Variants in TMEM185A observed in about 807,000 individuals in gnomAD.
The protein encoded by TMEM185A is family with sequence similarity 11, member A.
Under a neutral mutation model 25.0 loss-of-function variants are expected in TMEM185A, and 9 were observed. That is an observed-to-expected ratio of 0.36 (90% CI 0.22 to 0.63). The LOEUF (loss-of-function observed/expected upper bound fraction) is 0.63. TMEM185A is among the 20% of genes least tolerant of loss of function. The pLI is 0.68. For synonymous variants in TMEM185A, 45 were observed against 93.5 expected, an observed-to-expected ratio of 0.48 and a Z score of 2.99; for missense variants, 103 against 237.4, an observed-to-expected ratio of 0.43 and a Z score of 3.72.
intron 1 of TMEM185A, among the ~76,000 whole-genome samples, chrX:149,615,653 T>C (rs957906879): frequency 8.9e-6 from 1 of 111,824 alleles, no homozygotes; most frequent in Non-Finnish European, 1.9e-5. Flanking sequence ...TTCTATATAG[T>C]AGCTATCACA....
In TMEM185A at chrX:149,614,360, T is replaced by C. The variant is rs1557354830; in HGVS notation, c.39-2897A>G. Among the ~76,000 whole-genome samples, 3 of 112,042 alleles carry C rather than the reference T, an allele frequency of 2.7e-5. No individual in the cohort carries two copies. The East Asian group carries it at 8.3e-4, about 31-fold the overall frequency. The stretch of plus-strand genomic sequence containing the variant: ...AGACTATGAAGAAAATTGAAAAATA[T>C]TTTGGACTAAAGGCAAAAACACAAT... On this transcript the variant is annotated intron_variant, in intron 1 of 6. Transcript: ENST00000600449.
intron 2 of TMEM185A, among the ~76,000 whole-genome samples, chrX:149,609,687 G>A (rs1484782142): frequency 8.9e-6 from 1 of 112,266 alleles, no homozygotes; most frequent in Non-Finnish European, 1.9e-5. Context: ...TAGAGAAAAT[G>A]CTATCAGAGG....
At chrX:149,603,375 C>T (rs1362809897) in intron 4 of TMEM185A, among the ~76,000 whole-genome samples, 1 of 110,077 alleles carries the variant, frequency 9.1e-6, no homozygotes, top group Admixed American at 9.7e-5. Context: ...GATCAGCTCA[C>T]CTCGGCCTCC....
intron 1 of TMEM185A, among the ~76,000 whole-genome samples, chrX:149,629,445 C>T (rs1387130327): frequency 6.3e-5 from 7 of 111,523 alleles, no homozygotes; most frequent in African/African-American, 2.0e-4. Context: ...ACTAGGAGTG[C>T]TCAGGAGAGG....
At chrX:149,618,201 A>G (rs2090120443) in intron 1 of TMEM185A, among the ~76,000 whole-genome samples, 1 of 111,953 alleles carries the variant, frequency 8.9e-6, no homozygotes. Context: ...ACTCGGGAAG[A>G]TTAAGGATAG....
At chrX:149,607,750 A>C (rs2090060000) in intron 3 of TMEM185A, among the ~76,000 whole-genome samples, 1 of 111,948 alleles carries the variant, frequency 8.9e-6, no homozygotes, top group African/African-American at 3.3e-5. Context: ...GGGAGGTGCT[A>C]AATCATGGGG....
intron 1 of TMEM185A, among the ~76,000 whole-genome samples, chrX:149,614,007 G>A (rs1220913990): frequency 8.9e-6 from 1 of 112,264 alleles, no homozygotes; most frequent in African/African-American, 3.2e-5. Flanking sequence ...TCCTTTCTTA[G>A]TAACTAATAG....
intron 3 of TMEM185A, 80 bp from the exon 4 acceptor site, chrX:149,604,150 GA>G: frequency 1.6e-6 from 1 of 636,241 alleles, no homozygotes; most frequent in African/African-American, 2.2e-5. Flanking sequence ...CACACTAAAA[GA>G]CAATACACAT....
At chrX:149,613,824 AGTATAT>A (rs2090097015) in intron 1 of TMEM185A, among the ~76,000 whole-genome samples, 1 of 112,602 alleles carries the variant, frequency 8.9e-6, no homozygotes, top group Non-Finnish European at 1.9e-5. Context: ...CATAAGACAC[AGTATAT>A]TTTTGAACAA....
Position 149,631,673 on chromosome X carries a change from C to CATGA in TMEM185A, c.-94_-93insTCAT. ...TACAGCGGGTTCATGGCGCCAGCGC[C>CATGA]AGCCGCGTCCACGCTGCTGCTCCCG... On this transcript the variant is annotated 5_prime_UTR_variant, in exon 1 of 7. It adds an upstream start codon to the 5' untranslated region. Coordinates refer to ENST00000600449, the MANE Select transcript of TMEM185A (RefSeq NM_032508.4). The CATGA allele has an allele frequency of 1.1e-6, 1 of 904,061 alleles. No homozygotes were observed. The highest frequency in any genetic ancestry group is 1.5e-6 in the Non-Finnish European group (1 of 671,325). 74.5% of individuals were successfully genotyped at this position (904,061 alleles called of 1,213,427 possible).
intron 1 of TMEM185A, among the ~76,000 whole-genome samples, chrX:149,624,936 G>A (rs782788571): frequency 7.2e-5 from 8 of 111,689 alleles, no homozygotes; most frequent in African/African-American, 2.6e-4. Flanking sequence ...TTAAGACAAG[G>A]GTATGTGAAA....
At chrX:149,605,353 C>T (rs1171067216) in intron 3 of TMEM185A, among the ~76,000 whole-genome samples, 1 of 98,178 alleles carries the variant, frequency 1.0e-5, no homozygotes. Context: ...ATGTCACTTT[C>T]TATGGCCTCC....
At chrX:149,630,609 G>A (rs1368345991) in intron 1 of TMEM185A, among the ~76,000 whole-genome samples, 2 of 111,892 alleles carry the variant, frequency 1.8e-5, no homozygotes, top group African/African-American at 6.5e-5. Flanking sequence ...GCCAAAGAAG[G>A]GCAGAGAATC....
Position 149,611,347 on chromosome X carries a change from A to C in TMEM185A, c.155T>G (p.Leu52Ter). 1 of 1,211,540 alleles carries C rather than the reference A, an allele frequency of 8.3e-7. No homozygotes were observed. Among genetic ancestry groups the C allele is most frequent in the Non-Finnish European group, 1.1e-6 (1 of 895,400 alleles). ...AVFAPIWLWK[L>*]MVIVGASVGT... ...AACTGAGGCTCCAACAATGACCATT[A>C]ACTTCCACAGCCATATTGGAGCAAA... Residue 52 changes from leucine to a stop codon, truncating the protein, a stop_gained, in exon 2 of 7, where the codon TTA (leucine) becomes TGA (stop). Transcript: ENST00000600449. LOFTEE classifies it high-confidence loss of function.
chrX:149,602,883 T>C (rs2090025446), intron 4 of TMEM185A, among the ~76,000 whole-genome samples: 1 of 112,438 alleles, frequency 8.9e-6, no homozygotes, highest in South Asian at 3.6e-4. Flanking sequence ...ATTATTCCCA[T>C]CTTTAAATAT....
intron 1 of TMEM185A, among the ~76,000 whole-genome samples, chrX:149,622,121 C>T (rs2090142401): frequency 8.9e-6 from 1 of 112,037 alleles, no homozygotes; most frequent in Admixed American, 9.5e-5. Flanking sequence ...AAAGTCGAAC[C>T]AACTATCAGA....
At chrX:149,622,627 A>G (rs988396281) in intron 1 of TMEM185A, among the ~76,000 whole-genome samples, 1 of 112,348 alleles carries the variant, frequency 8.9e-6, no homozygotes, top group Non-Finnish European at 1.9e-5. Flanking sequence ...CTAATTTACA[A>G]TTGTTAAAAA....
At chrX:149,612,561 T>C (rs2090089593) in intron 1 of TMEM185A, among the ~76,000 whole-genome samples, 1 of 112,715 alleles carries the variant, frequency 8.9e-6, no homozygotes, top group African/African-American at 3.2e-5. Flanking sequence ...AATATCTGTT[T>C]AGTCTTCCAT....
At chrX:149,607,370 T>C (rs1332772712) in intron 3 of TMEM185A, among the ~76,000 whole-genome samples, 2 of 112,212 alleles carry the variant, frequency 1.8e-5, no homozygotes, top group African/African-American at 6.5e-5. Context: ...CCTCAGCTTC[T>C]ATGCAGTTAT....
Sources: allele counts gnomAD v4.1 joint callset (sites outside exome capture counted in the v4.1 genomes callset), GRCh38; gene constraint gnomAD v4.1.1; transcripts MANE v1.5; gene names NCBI Gene and HGNC (gene_info 2026-07-23, HGNC 2026-07-21).